Variants in ULK4 observed in about 807,000 individuals in gnomAD.
ULK4 encodes inactive serine/threonine-protein kinase ULK4.
A neutral mutation model predicts 160.6 loss-of-function variants in ULK4; 133 were observed. The observed-to-expected ratio is 0.83, with a 90% confidence interval of 0.72 to 0.96. The LOEUF (loss-of-function observed/expected upper bound fraction) is 0.96. Ranked by LOEUF, ULK4 falls within the 40% of genes least tolerant of loss-of-function variation. The pLI, the probability that ULK4 is intolerant of heterozygous loss-of-function variation, is 0.00. For synonymous variants in ULK4, 534 were observed against 539.8 expected, an observed-to-expected ratio of 0.99 and a Z score of 0.15; for missense variants, 1,580 against 1,499.5, an observed-to-expected ratio of 1.05 and a Z score of -0.89.
intron 32 of ULK4, among the ~76,000 whole-genome samples, chr3:41,472,175 A>G (rs2125887648): frequency 6.6e-6 from 1 of 152,264 alleles, no homozygotes; most frequent in Non-Finnish European, 1.5e-5. Context: ...GAATCATAAG[A>G]GCTATTGTAA....
chr3:41,929,726 C>T (rs1699520836), intron 5 of ULK4, among the ~76,000 whole-genome samples: 1 of 152,092 alleles, frequency 6.6e-6, no homozygotes, highest in African/African-American at 2.4e-5. Context: ...TATGAGTGAA[C>T]TCCCATTCAC....
intron 35 of ULK4, among the ~76,000 whole-genome samples, chr3:41,334,296 A>G (rs1488870737): frequency 2.0e-5 from 3 of 152,146 alleles, no homozygotes; most frequent in Non-Finnish European, 4.4e-5. Flanking sequence ...AGTCTCCATC[A>G]GAGGCCCGTT....
At chr3:41,702,444 C>A (rs1304181564) in intron 27 of ULK4, among the ~76,000 whole-genome samples, 3 of 151,916 alleles carry the variant, frequency 2.0e-5, no homozygotes, top group African/African-American at 7.3e-5. Context: ...CCCGCCTGGC[C>A]CAGACAAATT....
intron 32 of ULK4, among the ~76,000 whole-genome samples, chr3:41,533,952 C>T (rs555711211): frequency 6.2e-4 from 95 of 152,206 alleles, no homozygotes; most frequent in Non-Finnish European, 8.1e-4. Flanking sequence ...GGATTACAGG[C>T]GCCCGCCACC....
intron 35 of ULK4, among the ~76,000 whole-genome samples, chr3:41,279,263 AAAAAAAAAAAAAC>A (rs983806937): frequency 8.7e-6 from 1 of 114,554 alleles, no homozygotes; most frequent in African/African-American, 3.7e-5. Flanking sequence ...AGTAAAAAAA[AAAAAAAAAAAAAC>A]AAAACGACAA....
chr3:41,755,882 G>A (rs1360645821), intron 21 of ULK4, among the ~76,000 whole-genome samples: 3 of 152,102 alleles, frequency 2.0e-5, no homozygotes, highest in Non-Finnish European at 4.4e-5. Context: ...TTGTTTCAAG[G>A]AAACATTCAA....
In ULK4 at chr3:41,388,396, A is replaced by G. The variant is rs1410043514; in HGVS notation, c.3678+9683T>C. ...TAGTTTAATTAGATCCCATTTGTCA[A>G]TTTTGGCTTTGGTTGCCATTGCTTT... is the stretch of plus-strand genomic sequence containing the variant. On this transcript the variant is annotated intron_variant, in intron 35 of 36. Transcript: ENST00000301831. 2.0e-5 allele frequency among the ~76,000 whole-genome samples: 3 copies of G among 151,934 alleles called. No individual in the cohort carries two copies. In the South Asian group the frequency reaches 6.2e-4, roughly 32 times the overall value.
chr3:41,898,108 C>T (rs1184387148), intron 14 of ULK4, among the ~76,000 whole-genome samples: 1 of 152,136 alleles, frequency 6.6e-6, no homozygotes, highest in African/African-American at 2.4e-5. Flanking sequence ...CTATACCAGC[C>T]ATAAATGGTG....
chr3:41,539,971 G>A (rs1206186958), intron 32 of ULK4, among the ~76,000 whole-genome samples: 1 of 152,132 alleles, frequency 6.6e-6, no homozygotes, highest in East Asian at 1.9e-4. Flanking sequence ...TATCCCAATT[G>A]TCAGCCAAAG....
intron 34 of ULK4, among the ~76,000 whole-genome samples, chr3:41,399,205 T>C (rs1230561459): frequency 6.6e-6 from 1 of 152,188 alleles, no homozygotes. Context: ...TTAGTAGGTC[T>C]AGAGGGGTAA....
At chr3:41,567,313 T>C (rs1027926538) in intron 31 of ULK4, among the ~76,000 whole-genome samples, 2 of 151,942 alleles carry the variant, frequency 1.3e-5, no homozygotes, top group African/African-American at 4.8e-5. Context: ...TATTAGAAGA[T>C]AGCAAGTACT....
chr3:41,412,146 G>GT (rs1484194757), intron 34 of ULK4, among the ~76,000 whole-genome samples: 1 of 152,112 alleles, frequency 6.6e-6, no homozygotes, highest in Non-Finnish European at 1.5e-5. Context: ...CAATTTTCAC[G>GT]TAAGTACCAA....
intron 25 of ULK4, among the ~76,000 whole-genome samples, chr3:41,710,373 A>T (rs1446658796): frequency 1.3e-5 from 2 of 152,146 alleles, no homozygotes; most frequent in Non-Finnish European, 2.9e-5. Flanking sequence ...ACATATAGTC[A>T]TTGGCTGATG....
intron 3 of ULK4, among the ~76,000 whole-genome samples, chr3:41,937,564 T>A (rs1699820670): frequency 6.7e-6 from 1 of 150,040 alleles, no homozygotes; most frequent in Non-Finnish European, 1.5e-5. Flanking sequence ...TTACATTTTT[T>A]CCCTGTTAAA....
chr3:41,338,054 A>G (rs530124392), intron 35 of ULK4, among the ~76,000 whole-genome samples: 42 of 152,362 alleles, frequency 2.8e-4, no homozygotes, highest in Non-Finnish European at 4.9e-4. Context: ...TTGCCAAGAA[A>G]GCTTTTATGT....
At chr3:41,807,200 A>C (rs759905061) in intron 19 of ULK4, among the ~76,000 whole-genome samples, 1 of 152,170 alleles carries the variant, frequency 6.6e-6, no homozygotes, top group African/African-American at 2.4e-5. Context: ...ACCTTAATTA[A>C]AATAAAAAAT....
chr3:41,913,088 T>C (rs1222604801), intron 8 of ULK4, 189 bp from the exon 9 acceptor site: 3 of 559,840 alleles, frequency 5.4e-6, no homozygotes, highest in Non-Finnish European at 9.4e-6. Flanking sequence ...AAAGAAACAA[T>C]TCAGAAGCAT....
intron 30 of ULK4, among the ~76,000 whole-genome samples, chr3:41,617,489 T>C (rs546970903): frequency 6.6e-6 from 1 of 151,318 alleles, no homozygotes; most frequent in South Asian, 2.1e-4. Context: ...GGGTCTGGAA[T>C]GGACCTCCAG....
chr3:41,432,317 C>G (rs934717214), intron 34 of ULK4, among the ~76,000 whole-genome samples: 6 of 152,192 alleles, frequency 3.9e-5, no homozygotes, highest in Non-Finnish European at 5.9e-5. Flanking sequence ...GCGTTTTCTT[C>G]ATCACCTCCC....
Sources: gnomAD v4.1 joint callset for allele counts (sites outside exome capture counted in the v4.1 genomes callset) on GRCh38, gnomAD v4.1.1 for gene constraint, MANE v1.5 for transcripts, NCBI Gene and HGNC (gene_info 2026-07-23, HGNC 2026-07-21) for gene names.